Variants in AGTRAP observed in about 807,000 individuals in gnomAD.
AGTRAP encodes the protein angiotensin II receptor associated protein.
Under a neutral mutation model 15.2 loss-of-function variants are expected in AGTRAP, and 7 were observed. That is an observed-to-expected ratio of 0.46 (90% CI 0.26 to 0.87). AGTRAP has a LOEUF of 0.87. Among genes scored for constraint, AGTRAP ranks in the 40% least tolerant of loss-of-function variants. The pLI is 0.15. For missense variants in AGTRAP, 187 were observed against 213.4 expected (o/e 0.88, Z 0.77); for synonymous variants, 74 against 89.6 (o/e 0.83, Z 0.98).
intron 1 of AGTRAP, among the ~76,000 whole-genome samples, chr1:11,739,662 C>T (rs902659954): frequency 3.9e-5 from 6 of 152,200 alleles, no homozygotes; most frequent in Non-Finnish European, 5.9e-5. Context: ...CTCTCAGAGC[C>T]TCAGTTCTAC....
intron 4 of AGTRAP, 25 bp from the exon 5 acceptor site, chr1:11,750,052 T>C (rs1040292613): frequency 6.3e-7 from 1 of 1,587,216 alleles, no homozygotes; most frequent in East Asian, 2.2e-5. Context: ...CATTTTTCTT[T>C]CCCACCATGT....
intron 3 of AGTRAP, 54 bp from the exon 4 acceptor site, chr1:11,748,361 G>A (rs1642221761): frequency 3.2e-6 from 5 of 1,560,416 alleles, no homozygotes; most frequent in Non-Finnish European, 4.4e-6. Flanking sequence ...TGTGGCGGGG[G>A]AGCCACGGAG....
At position 11,750,386 on chromosome 1, in the gene AGTRAP, A is replaced by AG; in HGVS notation, c.*196dup. ...GCACACTCCTGTCCCGAACTCCCTG[A>AG]GGCCTCCCCTCCCTTCAGGGCACCC... On this transcript the variant is annotated 3_prime_UTR_variant, in exon 5 of 5. Coordinates refer to ENST00000314340, the MANE Select transcript of AGTRAP (RefSeq NM_020350.5). 1.6e-6 allele frequency: 1 copy of AG among 639,778 alleles called. No individual in the cohort carries two copies. Among genetic ancestry groups the AG allele is most frequent in the South Asian group, 1.7e-5 (1 of 57,574 alleles). The allele number at this position is 639,778 out of a possible 1,614,324, so 39.6% of individuals were successfully genotyped here. A position where few individuals can be genotyped will look rare whatever the true frequency, so the allele number is the denominator to read the frequency against.
In AGTRAP at chr1:11,750,457, C is replaced by G; in HGVS notation, c.*265C>G. 1.7e-6 allele frequency: 1 copy of G among 596,680 alleles called. No homozygotes were observed. 37.0% of individuals were successfully genotyped at this position (596,680 alleles called of 1,614,324 possible). The stretch of plus-strand genomic sequence containing the variant: ...CAGGGTCTCTCTTTACCTCCTACCC[C>G]ATGGTGGCACCACAGAGGCCCTCAG... On this transcript the variant is annotated 3_prime_UTR_variant, in exon 5 of 5. Coordinates refer to ENST00000314340, the MANE Select transcript of AGTRAP (RefSeq NM_020350.5).
At chr1:11,749,199 CCTT>C (rs1288750460) in intron 4 of AGTRAP, among the ~76,000 whole-genome samples, 4 of 152,262 alleles carry the variant, frequency 2.6e-5, no homozygotes, top group Non-Finnish European at 4.4e-5. Flanking sequence ...CTCCTGTACT[CCTT>C]CTCCTGGTGG....
At position 11,747,491 on chromosome 1, in the gene AGTRAP, G is replaced by C. The variant is rs1359951798; in HGVS notation, c.114G>C (p.Leu38=). The C allele has an allele frequency of 6.2e-7, 1 of 1,614,172 alleles. No homozygotes were observed. Among genetic ancestry groups the C allele is most frequent in the East Asian group, 2.2e-5 (1 of 44,890 alleles). The part of the protein sequence containing the change: ...GSYAWANFTI[L]ALGVWAVAQR... Reference sequence around the variant, plus strand: ...ATGCCTGGGCCAACTTCACCATCCTGGCCTTGGGCGTGTGGGCTGTGGCTC... The same window carrying C: ...ATGCCTGGGCCAACTTCACCATCCTCGCCTTGGGCGTGTGGGCTGTGGCTC... The change falls in exon 3 of 5, where the codon CTG becomes CTC. Residue 38 remains leucine (L), a synonymous_variant. Coordinates refer to ENST00000314340, the MANE Select transcript of AGTRAP (RefSeq NM_020350.5).
At chr1:11,748,269 C>T (rs976047388) in intron 3 of AGTRAP, 146 bp from the exon 4 acceptor site, 9 of 907,558 alleles carry the variant, frequency 9.9e-6, no homozygotes, top group Middle Eastern at 2.5e-4. Context: ...GGCTCCCCAG[C>T]GGGGCCCTGC....
At chr1:11,747,385 AGGTGACCTGCGGGGT>A in intron 2 of AGTRAP, 40 bp from the exon 3 acceptor site, 1 of 1,501,568 alleles carries the variant, frequency 6.7e-7, no homozygotes, top group Non-Finnish European at 9.3e-7. Context: ...AGCAGGAGGG[AGGTGACCTGCGGGGT>A]GGTGGCCTCC....
rs200264555 is a variant in AGTRAP, at chr1:11,748,493, G to A, written c.247G>A (p.Asp83Asn). The A allele has an allele frequency of 3.1e-6, 5 of 1,613,372 alleles. No homozygotes were observed. The highest frequency in any genetic ancestry group is 1.1e-5 in the South Asian group (1 of 91,090). ...CTTCTACCCGCGGGTCAGCCTCACGGACACGGGCCGCTTTGGCGTGGGCAT... is the reference window on the plus strand; with the variant it reads ...CTTCTACCCGCGGGTCAGCCTCACGAACACGGGCCGCTTTGGCGTGGGCAT... ...SIFYPRVSLTDTGRFGVGMAI... is the reference protein window; with the variant it reads ...SIFYPRVSLTNTGRFGVGMAI... Residue 83 changes from aspartate to asparagine, a missense_variant, in exon 4 of 5, where the codon GAC (aspartate) becomes AAC (asparagine). By Grantham distance (23) the Asp-to-Asn change is conservative (BLOSUM62 1). Coordinates refer to ENST00000314340, the MANE Select transcript of AGTRAP (RefSeq NM_020350.5).
chr1:11,747,326 TG>T, intron 2 of AGTRAP, 113 bp from the exon 3 acceptor site: 2 of 915,608 alleles, frequency 2.2e-6, no homozygotes, highest in Non-Finnish European at 3.5e-6. Flanking sequence ...CACAGCCGGG[TG>T]GCCTCGAAGA....
intron 2 of AGTRAP, 105 bp from the exon 3 acceptor site, chr1:11,747,335 A>G: frequency 9.5e-7 from 1 of 1,053,688 alleles, no homozygotes; most frequent in Non-Finnish European, 1.5e-6. Flanking sequence ...GTGGCCTCGA[A>G]GACTATGGCA....
At chr1:11,744,136 G>A (rs538458502) in intron 1 of AGTRAP, among the ~76,000 whole-genome samples, 26 of 152,218 alleles carry the variant, frequency 1.7e-4, no homozygotes, top group Non-Finnish European at 1.0e-4. Flanking sequence ...TTAGCTGGGC[G>A]TGGTGGTACA....
chr1:11,748,761 A>T, intron 4 of AGTRAP, 151 bp downstream of exon 4: 1 of 939,426 alleles, frequency 1.1e-6, no homozygotes, highest in South Asian at 1.8e-5. Flanking sequence ...ACTAGGCTGG[A>T]CAGGTCCAAG....
intron 4 of AGTRAP, among the ~76,000 whole-genome samples, chr1:11,749,239 CCTCT>C (rs1172475243): frequency 6.6e-6 from 1 of 152,200 alleles, no homozygotes; most frequent in Non-Finnish European, 1.5e-5. Flanking sequence ...CTCTCTGACA[CCTCT>C]CTCTCTCTTC....
chr1:11,736,573 T>G (rs970140101), intron 1 of AGTRAP, among the ~76,000 whole-genome samples: 1 of 152,140 alleles, frequency 6.6e-6, no homozygotes, highest in African/African-American at 2.4e-5. Context: ...AGGAGGAAGG[T>G]GCGCGGGAGG....
rs532335361 is a variant in AGTRAP at position 11,749,809 on chromosome 1, C to T, written c.365-268C>T. Among the ~76,000 whole-genome samples the T allele has an allele frequency of 3.9e-5, 6 of 151,934 alleles. No homozygotes were observed. In the East Asian group the frequency reaches 5.8e-4, roughly 15 times the overall value. On this transcript the variant is annotated intron_variant, in intron 4 of 4. Transcript: ENST00000314340. ...TCATCAGCTTTGAGCTGTGTGATCT[C>T]GGGCAAGTCACTTCATCCCTTTGAC...
chr1:11,746,261 C>T (rs1230576351), intron 2 of AGTRAP: 3 of 1,524,038 alleles, frequency 2.0e-6, no homozygotes, highest in Non-Finnish European at 2.7e-6. Context: ...GATTCACGAC[C>T]TTGAGAAGCA....
chr1:11,750,644 A>C lies in AGTRAP; in HGVS notation c.*452A>C. ...ATGGGAGTGAGGCCCCGTCCTTCTC[A>C]CTGCCTGGTCACATGGTGCCTAGGG... On this transcript the variant is annotated 3_prime_UTR_variant, in exon 5 of 5. Coordinates refer to ENST00000314340, the MANE Select transcript of AGTRAP (RefSeq NM_020350.5). 3.2e-6 allele frequency: 1 copy of C among 317,394 alleles called. No individual in the cohort carries two copies. The highest frequency in any genetic ancestry group is 5.9e-6 in the Non-Finnish European group (1 of 168,524). 19.7% of individuals were successfully genotyped at this position (317,394 alleles called of 1,614,324 possible).
intron 1 of AGTRAP, among the ~76,000 whole-genome samples, chr1:11,737,760 G>A (rs1348575472): frequency 6.6e-6 from 1 of 152,014 alleles, no homozygotes. Context: ...AACTTTTTGG[G>A]CCTGACAGGC....
Sources: gnomAD v4.1 joint callset for allele counts (sites outside exome capture counted in the v4.1 genomes callset) on GRCh38, gnomAD v4.1.1 for gene constraint, MANE v1.5 for transcripts, NCBI Gene and HGNC (gene_info 2026-07-23, HGNC 2026-07-21) for gene names.